Variants in RBFOX1 observed in about 807,000 individuals in gnomAD.
The protein encoded by RBFOX1 is RNA binding fox-1 homolog 1.
Under a neutral mutation model 57.7 loss-of-function variants are expected in RBFOX1, and 8 were observed. The ratio of observed to expected loss-of-function variants is 0.14; its 90% CI spans 0.08 to 0.25. The LOEUF (loss-of-function observed/expected upper bound fraction) is 0.25, where lower values mean the gene tolerates loss of function less well. Ranked by LOEUF, RBFOX1 falls within the 10% of genes least tolerant of loss-of-function variation. The pLI, the probability that RBFOX1 is intolerant of heterozygous loss-of-function variation, is 1.00. For missense variants in RBFOX1, 611 were observed against 548.5 expected (o/e 1.11, Z -1.14); for synonymous variants, 326 against 222.4 (o/e 1.47, Z -4.15).
At chr16:5,732,429 G>A (rs189022808) in intron 3 of RBFOX1, among the ~76,000 whole-genome samples, 5 of 152,178 alleles carry the variant, frequency 3.3e-5, no homozygotes, top group Non-Finnish European at 7.3e-5. Context: ...CAGTATGATT[G>A]TCTCTCCAAG....
intron 3 of RBFOX1, among the ~76,000 whole-genome samples, chr16:7,020,158 A>C (rs1447748892): frequency 6.6e-6 from 1 of 151,872 alleles, no homozygotes; most frequent in Non-Finnish European, 1.5e-5. Flanking sequence ...GGACTCTTTT[A>C]TGCCATCTTT....
intron 4 of RBFOX1, among the ~76,000 whole-genome samples, chr16:7,305,726 T>C (rs2096165965): frequency 6.6e-6 from 1 of 152,230 alleles, no homozygotes; most frequent in African/African-American, 2.4e-5. Context: ...CCAGAAAATA[T>C]TTCTTAGGTG....
chr16:6,321,572 A>G lies in RBFOX1; in HGVS notation c.-64+4515A>G, dbSNP rs558838471. On this transcript the variant is annotated intron_variant, in intron 2 of 15. Coordinates refer to ENST00000550418, the MANE Select transcript of RBFOX1 (RefSeq NM_018723.4). Reference sequence around the variant, plus strand: ...CATCTATTCTAACTGGTTGGTGCCTAATGCATGCTGATTATTCAAATAGTA... The same window carrying G: ...CATCTATTCTAACTGGTTGGTGCCTGATGCATGCTGATTATTCAAATAGTA... Among the ~76,000 whole-genome samples the G allele has an allele frequency of 1.4e-4, 21 of 152,338 alleles. No homozygotes were observed. In the South Asian group the frequency reaches 4.1e-3, roughly 30 times the overall value.
chr16:6,977,789 C>T (rs1403426772), intron 3 of RBFOX1, among the ~76,000 whole-genome samples: 6 of 151,972 alleles, frequency 3.9e-5, no homozygotes, highest in African/African-American at 1.2e-4. Context: ...TCATCTTATC[C>T]CGTAGTCAGT....
At chr16:5,925,045 C>G (rs1193146676) in intron 4 of RBFOX1, among the ~76,000 whole-genome samples, 1 of 152,120 alleles carries the variant, frequency 6.6e-6, no homozygotes, top group East Asian at 1.9e-4. Flanking sequence ...AGCACAGACA[C>G]CTACTGAAGC....
At chr16:7,046,932 A>G (rs910494399) in intron 3 of RBFOX1, among the ~76,000 whole-genome samples, 1 of 151,592 alleles carries the variant, frequency 6.6e-6, no homozygotes, top group Non-Finnish European at 1.5e-5. Context: ...TCCGTATTGT[A>G]TATCCATAAA....
At chr16:5,480,989 T>G (rs1488693386) in intron 2 of RBFOX1, among the ~76,000 whole-genome samples, 1 of 152,242 alleles carries the variant, frequency 6.6e-6, no homozygotes, top group Admixed American at 6.5e-5. Context: ...AGCTGAGCAT[T>G]CATGCAGGTT....
At chr16:6,371,643 A>G (rs142512704) in intron 2 of RBFOX1, among the ~76,000 whole-genome samples, 58 of 152,276 alleles carry the variant, frequency 3.8e-4, no homozygotes, top group Middle Eastern at 3.4e-3. Flanking sequence ...TCCACAGAGT[A>G]ATCCTTCCTT....
chr16:6,557,460 A>G (rs2097121635), intron 2 of RBFOX1, among the ~76,000 whole-genome samples: 1 of 152,196 alleles, frequency 6.6e-6, no homozygotes, highest in Non-Finnish European at 1.5e-5. Context: ...CTAATTTATT[A>G]CATTGTCATC....
At chr16:6,892,098 C>T (rs2065577928) in intron 3 of RBFOX1, among the ~76,000 whole-genome samples, 1 of 152,238 alleles carries the variant, frequency 6.6e-6, no homozygotes, top group Non-Finnish European at 1.5e-5. Flanking sequence ...GTTTCCTTTA[C>T]AGCACGTTGA....
intron 3 of RBFOX1, among the ~76,000 whole-genome samples, chr16:5,785,004 G>C (rs1043156385): frequency 9.9e-5 from 15 of 152,186 alleles, no homozygotes; most frequent in Admixed American, 2.0e-4. Flanking sequence ...ACTTCACTGG[G>C]TTGTTGTGGG....
At chr16:6,820,027 G>A (rs1038334511) in intron 3 of RBFOX1, among the ~76,000 whole-genome samples, 3 of 152,050 alleles carry the variant, frequency 2.0e-5, no homozygotes, top group Non-Finnish European at 4.4e-5. Flanking sequence ...ATATGTCATG[G>A]GAGGCACCCA....
At chr16:7,606,020 C>G (rs950044341) in intron 9 of RBFOX1, among the ~76,000 whole-genome samples, 2 of 151,928 alleles carry the variant, frequency 1.3e-5, no homozygotes, top group African/African-American at 4.8e-5. Context: ...GCTGGACAGG[C>G]TGCTCTCTGG....
chr16:7,003,084 T>C (rs1321347739), intron 3 of RBFOX1, among the ~76,000 whole-genome samples: 1 of 152,016 alleles, frequency 6.6e-6, no homozygotes, highest in Non-Finnish European at 1.5e-5. Context: ...AATCAGGCCA[T>C]GATTTACAAA....
intron 2 of RBFOX1, among the ~76,000 whole-genome samples, chr16:6,507,435 C>G (rs1399065842): frequency 2.2e-5 from 3 of 136,772 alleles, no homozygotes; most frequent in Non-Finnish European, 4.5e-5. Flanking sequence ...CTTTGTGAGG[C>G]TAAGGCAGGA....
intron 1 of RBFOX1, among the ~76,000 whole-genome samples, chr16:5,276,585 C>A (rs1440281717): frequency 3.3e-5 from 5 of 152,270 alleles, no homozygotes; most frequent in Middle Eastern, 6.8e-3. Context: ...GAGTTTGAGA[C>A]CAGCCTGACT....
chr16:7,565,926 G>A (rs755574278), intron 5 of RBFOX1, among the ~76,000 whole-genome samples: 128 of 152,152 alleles, frequency 8.4e-4, no homozygotes, highest in Non-Finnish European at 1.2e-3. Flanking sequence ...CCGTGATGGT[G>A]AATTTGGGGA....
At chr16:6,429,289 ACGGCCCTGGGATCTTTGCC>A (rs1323547082) in intron 2 of RBFOX1, among the ~76,000 whole-genome samples, 3 of 152,226 alleles carry the variant, frequency 2.0e-5, no homozygotes, top group African/African-American at 7.2e-5. Flanking sequence ...AGCCGTGCAC[ACGGCCCTGGGATCTTTGCC>A]AGCTCCCCAC....
chr16:5,594,595 T>C (rs2047119161), intron 2 of RBFOX1, among the ~76,000 whole-genome samples: 1 of 152,186 alleles, frequency 6.6e-6, no homozygotes, highest in African/African-American at 2.4e-5. Context: ...GAGAGGAGGC[T>C]TCCAGGTCAG....
Sources: gnomAD v4.1 joint callset for allele counts (sites outside exome capture counted in the v4.1 genomes callset) on GRCh38, gnomAD v4.1.1 for gene constraint, MANE v1.5 for transcripts, NCBI Gene and HGNC (gene_info 2026-07-23, HGNC 2026-07-21) for gene names.